Variants in WASF1 observed in about 807,000 individuals in gnomAD.
WASF1 encodes actin-binding protein WASF1.
In WASF1, 7 loss-of-function variants were observed where a neutral mutation model predicts 50.5. That is an observed-to-expected ratio of 0.14 (90% confidence interval 0.08 to 0.26). The LOEUF is 0.26. Among genes scored for constraint, WASF1 ranks in the 10% least tolerant of loss-of-function variants. The pLI, the probability that WASF1 is intolerant of heterozygous loss-of-function variation, is 1.00. For missense variants in WASF1, 470 were observed against 694.7 expected (o/e 0.68, Z 3.64); for synonymous variants, 205 against 244.0 (o/e 0.84, Z 1.49).
At chr6:110,112,705 G>A (rs111979434) in intron 5 of WASF1, among the ~76,000 whole-genome samples, 3 of 152,092 alleles carry the variant, frequency 2.0e-5, no homozygotes, top group African/African-American at 7.2e-5. Context: ...TTCGAGACCA[G>A]CCGGACCAAC....
chr6:110,119,965 A>G (rs1211893610), intron 4 of WASF1, among the ~76,000 whole-genome samples: 3 of 152,226 alleles, frequency 2.0e-5, no homozygotes, highest in Non-Finnish European at 4.4e-5. Context: ...ATAGCTGCAG[A>G]AAAGGCCTTC....
At chr6:110,165,394 T>A (rs1776432895) in intron 2 of WASF1, among the ~76,000 whole-genome samples, 1 of 151,692 alleles carries the variant, frequency 6.6e-6, no homozygotes. Context: ...ATGTACTTAA[T>A]GCCACTGAAC....
intron 9 of WASF1, among the ~76,000 whole-genome samples, chr6:110,102,852 C>T (rs955520935): frequency 6.6e-6 from 1 of 152,114 alleles, no homozygotes; most frequent in South Asian, 2.1e-4. Flanking sequence ...CAAGATTAAA[C>T]TTCAAAATAG....
At chr6:110,155,462 G>C (rs1776018691) in intron 3 of WASF1, among the ~76,000 whole-genome samples, 1 of 141,410 alleles carries the variant, frequency 7.1e-6, no homozygotes, top group South Asian at 2.4e-4. Context: ...TTTTATACCA[G>C]ACATTTCCAA....
At chr6:110,164,905 C>T (rs11751592) in intron 2 of WASF1, among the ~76,000 whole-genome samples, 5,121 of 151,558 alleles carry the variant, frequency 0.034, 101 homozygotes, top group Middle Eastern at 0.051. Flanking sequence ...ATGGGAGGAA[C>T]CTTAAATGCA....
intron 3 of WASF1, among the ~76,000 whole-genome samples, chr6:110,153,978 G>A (rs1775940208): frequency 6.6e-6 from 1 of 152,042 alleles, no homozygotes. Context: ...GTTTTAAGTA[G>A]GGAGAAGAAG....
At chr6:110,177,317 A>G (rs1437634808) in intron 2 of WASF1, 6 of 152,036 alleles carry the variant, frequency 3.9e-5, no homozygotes, top group Non-Finnish European at 8.8e-5. Flanking sequence ...TATATGTTTA[A>G]CTATATGTAG....
intron 3 of WASF1, among the ~76,000 whole-genome samples, chr6:110,132,871 T>G (rs1583971480): frequency 6.6e-6 from 1 of 151,542 alleles, no homozygotes; most frequent in South Asian, 2.1e-4. Context: ...TTATTTTCAT[T>G]CTTTTTTATG....
chr6:110,108,825 T>A (rs1352813008), intron 5 of WASF1, 144 bp from the exon 6 acceptor site: 1 of 693,182 alleles, frequency 1.4e-6, no homozygotes, highest in African/African-American at 1.8e-5. Context: ...GAAACCATAT[T>A]TTAAATGTTC....
chr6:110,131,274 CTTTGT>C (rs1177312171), intron 3 of WASF1, among the ~76,000 whole-genome samples: 1 of 152,058 alleles, frequency 6.6e-6, no homozygotes, highest in Non-Finnish European at 1.5e-5. Context: ...TATCTCTTAG[CTTTGT>C]TTTTTCTTAT....
At chr6:110,101,522 T>A in intron 10 of WASF1, 66 bp downstream of exon 10, 1 of 1,521,564 alleles carries the variant, frequency 6.6e-7, no homozygotes, top group East Asian at 2.3e-5. Flanking sequence ...CACATTTTTG[T>A]CTTAAATATT....
At chr6:110,109,487 T>C (rs2114467246) in intron 5 of WASF1, among the ~76,000 whole-genome samples, 1 of 152,248 alleles carries the variant, frequency 6.6e-6, no homozygotes, top group South Asian at 2.1e-4. Flanking sequence ...ATATTTAATA[T>C]GGCCTTAAGT....
intron 3 of WASF1, among the ~76,000 whole-genome samples, chr6:110,139,286 C>T (rs1486142726): frequency 6.6e-6 from 1 of 152,238 alleles, no homozygotes; most frequent in African/African-American, 2.4e-5. Context: ...CGGGGATGGC[C>T]AGGACCACAG....
chr6:110,100,845 A>T (rs1773049836), intron 10 of WASF1, among the ~76,000 whole-genome samples, 166 bp from the exon 11 acceptor site: 1 of 152,172 alleles, frequency 6.6e-6, no homozygotes, highest in South Asian at 2.1e-4. Context: ...TTAAATCTTT[A>T]TGTTATCTGT....
intron 2 of WASF1, among the ~76,000 whole-genome samples, chr6:110,176,057 C>T (rs969657155): frequency 2.6e-5 from 4 of 151,896 alleles, no homozygotes; most frequent in Non-Finnish European, 4.4e-5. Flanking sequence ...GACTCAAGTT[C>T]CAAACCATTT....
chr6:110,168,076 T>C (rs1215985438), intron 2 of WASF1, among the ~76,000 whole-genome samples: 1 of 152,042 alleles, frequency 6.6e-6, no homozygotes, highest in Non-Finnish European at 1.5e-5. Context: ...AATTATCTCT[T>C]ATACCTCAAA....
rs144193493 is a variant in WASF1, at chr6:110,134,455, G to A, written c.-28-6826C>T. Among the ~76,000 whole-genome samples, 687 of 147,218 alleles carry A rather than the reference G, an allele frequency of 4.7e-3. 2 individuals carry two copies. Among genetic ancestry groups the A allele is most frequent in the Non-Finnish European group, 7.6e-3 (513 of 67,266 alleles). ...TTTTCTTTTTTGGAGATGGAGTTTC[G>A]CTCTTGTTGCCCAGACTGGAGTGCG... On this transcript the variant is annotated intron_variant, in intron 3 of 10. Transcript: ENST00000392589.
At chr6:110,143,153 T>C (rs1016678918) in intron 3 of WASF1, among the ~76,000 whole-genome samples, 2 of 151,886 alleles carry the variant, frequency 1.3e-5, no homozygotes, top group African/African-American at 4.8e-5. Flanking sequence ...AATCTGTTTT[T>C]AATTTTAAAA....
intron 5 of WASF1, among the ~76,000 whole-genome samples, chr6:110,111,046 AC>A (rs1221336930): frequency 6.6e-6 from 1 of 152,148 alleles, no homozygotes; most frequent in African/African-American, 2.4e-5. Flanking sequence ...TAATTTATTT[AC>A]TGTTATCTGT....
Sources: gnomAD v4.1 joint callset for allele counts (sites outside exome capture counted in the v4.1 genomes callset) on GRCh38, gnomAD v4.1.1 for gene constraint, MANE v1.5 for transcripts, NCBI Gene and HGNC (gene_info 2026-07-23, HGNC 2026-07-21) for gene names.